Variants in TXNDC8 observed in about 807,000 individuals in gnomAD.
TXNDC8 encodes thioredoxin domain containing 8.
In TXNDC8, 15 loss-of-function variants were observed where a neutral mutation model predicts 12.9. The observed-to-expected ratio is 1.16, with a 90% CI of 0.78 to 1.79. The LOEUF is 1.79. TXNDC8 is among the 40% of genes most tolerant of loss of function. The probability of loss-of-function intolerance (pLI) is 0.00; values close to 1 mark genes in which losing one functional copy is unlikely to be tolerated. For synonymous variants in TXNDC8, 40 were observed against 35.4 expected, an observed-to-expected ratio of 1.13 and a Z score of -0.46; for missense variants, 128 against 113.2, an observed-to-expected ratio of 1.13 and a Z score of -0.59.
At chr9:110,314,706 A>G (rs188928756) in intron 3 of TXNDC8, among the ~76,000 whole-genome samples, 120 of 152,254 alleles carry the variant, frequency 7.9e-4, no homozygotes, top group Non-Finnish European at 7.1e-4. Flanking sequence ...TGCTGGGATT[A>G]CAGGCTTGAG....
intron 3 of TXNDC8, among the ~76,000 whole-genome samples, chr9:110,306,113 C>T (rs1474498239): frequency 6.6e-6 from 1 of 152,186 alleles, no homozygotes; most frequent in Non-Finnish European, 1.5e-5. Flanking sequence ...GTGATCTGCT[C>T]ATCTCAGCCT....
chr9:110,316,036 T>G (rs1036791052), intron 3 of TXNDC8, among the ~76,000 whole-genome samples: 7 of 151,868 alleles, frequency 4.6e-5, no homozygotes, highest in African/African-American at 1.4e-4. Flanking sequence ...TAGCTGGGAT[T>G]ATAGACATGT....
intron 3 of TXNDC8, among the ~76,000 whole-genome samples, chr9:110,306,624 T>TTACTGTGAA (rs1311409175): frequency 1.3e-5 from 2 of 152,242 alleles, no homozygotes; most frequent in Non-Finnish European, 2.9e-5. Flanking sequence ...TGAGCCACAC[T>TTACTGTGAA]TACTGTGAAC....
At chr9:110,316,451 G>A (rs374691593) in intron 3 of TXNDC8, among the ~76,000 whole-genome samples, 7 of 152,012 alleles carry the variant, frequency 4.6e-5, no homozygotes, top group African/African-American at 1.7e-4. Context: ...TCTGCATCAC[G>A]TTGCAGGTAT....
chr9:110,313,680 A>G (rs1239402262), intron 3 of TXNDC8, among the ~76,000 whole-genome samples: 1 of 152,090 alleles, frequency 6.6e-6, no homozygotes, highest in Non-Finnish European at 1.5e-5. Context: ...AGCCTGGTTG[A>G]TAAGAGCAAA....
At chr9:110,307,019 G>A (rs1838494851) in intron 3 of TXNDC8, among the ~76,000 whole-genome samples, 1 of 151,886 alleles carries the variant, frequency 6.6e-6, no homozygotes, top group Non-Finnish European at 1.5e-5. Flanking sequence ...ATAGTTCACT[G>A]CAGTCTTGAA....
intron 2 of TXNDC8, 93 bp downstream of exon 2, chr9:110,334,123 C>T (rs1839651940): frequency 2.8e-6 from 3 of 1,057,076 alleles, no homozygotes; most frequent in South Asian, 3.3e-5. Context: ...CAGAATGGCT[C>T]ATAATTGCCA....
intron 3 of TXNDC8, chr9:110,323,782 C>G (rs963309330): frequency 3.4e-6 from 5 of 1,455,744 alleles, no homozygotes; most frequent in South Asian, 1.4e-5. Flanking sequence ...GTGGTAGATT[C>G]GTTTTCAGGT....
At chr9:110,327,005 T>C (rs1195471159) in intron 2 of TXNDC8, among the ~76,000 whole-genome samples, 5 of 151,064 alleles carry the variant, frequency 3.3e-5, no homozygotes, top group African/African-American at 4.9e-5. Flanking sequence ...TAATTTTTCA[T>C]GACCACACAG....
At chr9:110,331,178 T>C (rs2118860135) in intron 2 of TXNDC8, among the ~76,000 whole-genome samples, 1 of 152,320 alleles carries the variant, frequency 6.6e-6, no homozygotes, top group East Asian at 1.9e-4. Context: ...GAAGCTATTT[T>C]CTTCTTCTTT....
rs1466669492 is a variant in TXNDC8 at position 110,303,560 on chromosome 9, A to G, written c.*122T>C. The G allele has an allele frequency of 6.5e-7, 1 of 1,534,136 alleles. No homozygotes were observed. Among genetic ancestry groups the G allele is most frequent in the Non-Finnish European group, 8.8e-7 (1 of 1,134,622 alleles). ...GAGTCTTGGCTTCCAATTTTTTAGC[A>G]TCGGCTCCACAAAACTCAAAAATCT... On this transcript the variant is annotated 3_prime_UTR_variant, in exon 5 of 5. Coordinates refer to ENST00000423740, the MANE Select transcript of TXNDC8 (RefSeq NM_001286946.2).
chr9:110,328,308 T>C lies in TXNDC8; in HGVS notation c.130-2068A>G, dbSNP rs183269555. Reference sequence around the variant, plus strand: ...AATTTTGTAGAAACATTGTGTGTATTAATAAGACACACTTTGTTTGAGGTT... The same window carrying C: ...AATTTTGTAGAAACATTGTGTGTATCAATAAGACACACTTTGTTTGAGGTT... On this transcript the variant is annotated intron_variant, in intron 2 of 4. Transcript: ENST00000423740. Among the ~76,000 whole-genome samples the C allele has an allele frequency of 1.6e-3, 250 of 152,330 alleles. 1 individual carries two copies. The Middle Eastern group carries it at 0.02, about 12-fold the overall frequency.
intron 3 of TXNDC8, chr9:110,323,202 G>A (rs941230585): frequency 1.6e-5 from 16 of 985,342 alleles, no homozygotes; most frequent in Non-Finnish European, 1.8e-5. Context: ...AGTATTTATA[G>A]ATGGAACTAG....
Position 110,322,129 on chromosome 9 carries a change from G to A in TXNDC8, c.195+4046C>T, listed in dbSNP as rs755384960. ...AATCTGTCAAAGATATGATTACGAT[G>A]TACAAAACGTTTAGAAGTAGAGTCA... is the stretch of plus-strand genomic sequence containing the variant. On this transcript the variant is annotated intron_variant, in intron 3 of 4. Coordinates refer to ENST00000423740, the MANE Select transcript of TXNDC8 (RefSeq NM_001286946.2). 1.4e-4 allele frequency among the ~76,000 whole-genome samples: 21 copies of A among 151,894 alleles called. 1 individual carries two copies. The highest frequency in any genetic ancestry group is 2.6e-4 in the Admixed American group (4 of 15,250).
At chr9:110,328,132 G>T (rs1426289498) in intron 2 of TXNDC8, among the ~76,000 whole-genome samples, 1 of 152,182 alleles carries the variant, frequency 6.6e-6, no homozygotes, top group African/African-American at 2.4e-5. Context: ...GAAGTTTATG[G>T]AGGTTGAACT....
intron 3 of TXNDC8, among the ~76,000 whole-genome samples, chr9:110,305,546 T>TTTTCTTTCTTTCTTTCTTTC (rs201277248): frequency 8.7e-6 from 1 of 115,416 alleles, no homozygotes; most frequent in Admixed American, 9.3e-5. Context: ...TGTATTTTCT[T>TTTTCTTTCTTTCTTTCTTTC]TTTCTTTCTT....
intron 3 of TXNDC8, among the ~76,000 whole-genome samples, chr9:110,325,426 G>C (rs943625355): frequency 3.3e-5 from 5 of 151,354 alleles, no homozygotes; most frequent in Non-Finnish European, 5.9e-5. Flanking sequence ...CCTGAATCCC[G>C]AGCCTGCGTG....
At chr9:110,319,136 C>G (rs910779964) in intron 3 of TXNDC8, among the ~76,000 whole-genome samples, 1 of 152,154 alleles carries the variant, frequency 6.6e-6, no homozygotes, top group Non-Finnish European at 1.5e-5. Context: ...GATAGGAACC[C>G]CTTTTAGGGA....
chr9:110,324,211 C>A (rs546457522), intron 3 of TXNDC8, among the ~76,000 whole-genome samples: 2 of 152,248 alleles, frequency 1.3e-5, no homozygotes, highest in Non-Finnish European at 2.9e-5. Flanking sequence ...AAGGAGGAAG[C>A]ATTCTCACTT....
Sources: allele counts gnomAD v4.1 joint callset (sites outside exome capture counted in the v4.1 genomes callset), GRCh38; gene constraint gnomAD v4.1.1; transcripts MANE v1.5; gene names NCBI Gene and HGNC (gene_info 2026-07-23, HGNC 2026-07-21).